The following SLC13A3 variants were observed in gnomAD, a reference collection of about 807,000 sequenced individuals.
SLC13A3 encodes solute carrier family 13 member 3.
SLC13A3 carries 40 observed loss-of-function variants against 59.0 expected under a neutral mutation model. The ratio of observed to expected loss-of-function variants is 0.68; its 90% CI spans 0.53 to 0.88. The LOEUF (loss-of-function observed/expected upper bound fraction) is 0.88, where lower values mean the gene tolerates loss of function less well. Among genes scored for constraint, SLC13A3 ranks in the 40% least tolerant of loss-of-function variants. SLC13A3 has a pLI of 0.00. For synonymous variants in SLC13A3, 317 were observed against 330.3 expected, an observed-to-expected ratio of 0.96 and a Z score of 0.44; for missense variants, 699 against 783.2, an observed-to-expected ratio of 0.89 and a Z score of 1.28.
chr20:46,558,439 C>A lies in SLC13A3; in HGVS notation c.*1583G>T, dbSNP rs140972516. The A allele has an allele frequency of 6.6e-6, 1 of 152,332 alleles. No homozygotes were observed. Among genetic ancestry groups the A allele is most frequent in the African/African-American group, 2.4e-5 (1 of 41,584 alleles). 9.4% of individuals were successfully genotyped at this position (152,332 alleles called of 1,614,324 possible). A position where few individuals can be genotyped will look rare whatever the true frequency, so the allele number is the denominator to read the frequency against. On this transcript the variant is annotated 3_prime_UTR_variant, in exon 13 of 13. Transcript: ENST00000279027. ...TCCAGGTCCAAAGTTGATTAACATT[C>A]TTTATTTCACAGTATTTTTGATCAG... is the stretch of plus-strand genomic sequence containing the variant.
chr20:46,559,034 T>C lies in SLC13A3; in HGVS notation c.*988A>G, dbSNP rs1268420457. ...GCCTGAGACATTTTACCCTGGCCTT[T>C]TACAAGGCCCCAATTTATCTTTTGA... On this transcript the variant is annotated 3_prime_UTR_variant, in exon 13 of 13. Transcript: ENST00000279027. 1 of 152,084 alleles carries C rather than the reference T, an allele frequency of 6.6e-6. No individual in the cohort carries two copies. The allele number at this position is 152,084 out of a possible 1,614,324, so 9.4% of individuals were successfully genotyped here.
At chr20:46,631,456 C>A (rs200723534) in intron 1 of SLC13A3, among the ~76,000 whole-genome samples, 2 of 152,262 alleles carry the variant, frequency 1.3e-5, no homozygotes, top group East Asian at 3.9e-4. Context: ...TCTCTTAGTT[C>A]ATTGAAAGAC....
chr20:46,675,051 G>A (rs1185857731), upstream of SLC13A3, among the ~76,000 whole-genome samples: 1 of 152,116 alleles, frequency 6.6e-6, no homozygotes, highest in Non-Finnish European at 1.5e-5. Context: ...TTCAGGGAAA[G>A]GGAACAGCTG....
At chr20:46,647,614 C>T (rs2062907822) in intron 1 of SLC13A3, among the ~76,000 whole-genome samples, 1 of 152,168 alleles carries the variant, frequency 6.6e-6, no homozygotes, top group South Asian at 2.1e-4. Context: ...GAGCTCATCC[C>T]ACTCCTTTTC....
intron 1 of SLC13A3, among the ~76,000 whole-genome samples, chr20:46,619,527 C>T (rs1306482441): frequency 6.6e-6 from 1 of 152,232 alleles, no homozygotes; most frequent in Non-Finnish European, 1.5e-5. Context: ...GATTATGTCA[C>T]TCCCCTGCTC....
At chr20:46,657,280 C>T (rs1332512949) in intron 1 of SLC13A3, among the ~76,000 whole-genome samples, 2 of 151,092 alleles carry the variant, frequency 1.3e-5, no homozygotes, top group East Asian at 2.0e-4. Flanking sequence ...GGCTGAGGCA[C>T]GAAAATCATT....
intron 3 of SLC13A3, among the ~76,000 whole-genome samples, chr20:46,605,860 G>T (rs1346897505): frequency 6.6e-6 from 1 of 152,134 alleles, no homozygotes; most frequent in African/African-American, 2.4e-5. Context: ...TGTCAAATTA[G>T]GTAAACGGCA....
At chr20:46,577,637 A>AGCTGAT (rs2062092423) in intron 9 of SLC13A3, among the ~76,000 whole-genome samples, 1 of 152,192 alleles carries the variant, frequency 6.6e-6, no homozygotes, top group East Asian at 1.9e-4. Flanking sequence ...AGTTAATGTT[A>AGCTGAT]GCTACCATGG....
At chr20:46,584,426 C>A in intron 8 of SLC13A3, 3 of 985,224 alleles carry the variant, frequency 3.0e-6, no homozygotes, top group Non-Finnish European at 3.6e-6. Context: ...ATTCTGTAGA[C>A]CCTGGCCTGA....
In SLC13A3 at chr20:46,583,465, G is replaced by A. The variant is rs143641321; in HGVS notation, c.1219+107C>T. 2.6e-6 allele frequency: 4 copies of A among 1,511,556 alleles called. No individual in the cohort carries two copies. The East Asian group carries it at 9.2e-5, about 35-fold the overall frequency. The allele number at this position is 1,511,556 out of a possible 1,614,324, so 93.6% of individuals were successfully genotyped here. On this transcript the variant is annotated intron_variant, in intron 9 of 12. Transcript: ENST00000279027. The stretch of plus-strand genomic sequence containing the variant: ...GCTCAGACAGTGAAAGGAGAAGCAG[G>A]AAGGACCACGTGGTTAGTGCAGTGG...
chr20:46,605,215 A>G lies in SLC13A3; in HGVS notation c.542-5178T>C, dbSNP rs868654767. ...GTTTTGCTTTTTCCTTATGGAGATT[A>G]GTAATGTAAGAAAAGTTAATATCAG... is the stretch of plus-strand genomic sequence containing the variant. On this transcript the variant is annotated intron_variant, in intron 3 of 12. Transcript: ENST00000279027. Among the ~76,000 whole-genome samples, 5 of 152,200 alleles carry G rather than the reference A, an allele frequency of 3.3e-5. No individual in the cohort carries two copies. The South Asian group carries it at 8.3e-4, about 25-fold the overall frequency.
intron 1 of SLC13A3, among the ~76,000 whole-genome samples, chr20:46,635,212 G>T (rs1600593522): frequency 6.6e-6 from 1 of 152,014 alleles, no homozygotes; most frequent in African/African-American, 2.4e-5. Context: ...AACCACTTTG[G>T]GTCTATCATT....
In SLC13A3 at chr20:46,666,910, A is replaced by C. The variant is rs76160626; in HGVS notation, c.-31+3133T>G. 1.0e-3 allele frequency among the ~76,000 whole-genome samples: 157 copies of C among 152,248 alleles called. 1 individual carries two copies. Among genetic ancestry groups the C allele is most frequent in the African/African-American group, 3.5e-3 (146 of 41,540 alleles). The stretch of plus-strand genomic sequence containing the variant: ...TAAAGCAACTCAAAGAAAAATGCCA[A>C]GTAACTTGGAGTGCAGGGAGTACGT... On this transcript the variant is annotated intron_variant, in intron 1 of 12. Coordinates refer to the SLC13A3 transcript ENST00000290317.
intron 1 of SLC13A3, among the ~76,000 whole-genome samples, chr20:46,626,177 TCTCC>T (rs2062669357): frequency 6.7e-6 from 1 of 148,196 alleles, no homozygotes; most frequent in East Asian, 2.0e-4. Flanking sequence ...TTTTCTCTCC[TCTCC>T]CTCCCTCCTT....
intron 1 of SLC13A3, among the ~76,000 whole-genome samples, chr20:46,683,749 G>A (rs932968924): frequency 6.6e-6 from 1 of 152,042 alleles, no homozygotes; most frequent in Admixed American, 6.6e-5. Context: ...AACGAGCCTC[G>A]GGTGTTACCC....
chr20:46,563,577 C>A, intron 11 of SLC13A3, 26 bp from the exon 12 acceptor site: 1 of 1,607,320 alleles, frequency 6.2e-7, no homozygotes, highest in African/African-American at 1.3e-5. Context: ...GTGGGAGAGA[C>A]CCGGAGAGAG....
intron 1 of SLC13A3, among the ~76,000 whole-genome samples, chr20:46,622,768 A>G (rs1474001493): frequency 6.6e-6 from 1 of 152,134 alleles, no homozygotes; most frequent in African/African-American, 2.4e-5. Context: ...GATGACAAGA[A>G]TTTTAAAAAG....
chr20:46,670,306 C>T (rs574500821), upstream of SLC13A3, among the ~76,000 whole-genome samples: 50 of 152,096 alleles, frequency 3.3e-4, no homozygotes, highest in South Asian at 6.8e-3. Context: ...CTCCCTTTTT[C>T]CTTCCTGACT....
At chr20:46,676,708 T>TC (rs1407965325) in intron 1 of SLC13A3, among the ~76,000 whole-genome samples, 1 of 151,390 alleles carries the variant, frequency 6.6e-6, no homozygotes, top group Non-Finnish European at 1.5e-5. Flanking sequence ...CGCCTCAGCC[T>TC]CCCCAGTCGC....
Sources: allele counts gnomAD v4.1 joint callset (sites outside exome capture counted in the v4.1 genomes callset), GRCh38; gene constraint gnomAD v4.1.1; transcripts MANE v1.5; gene names NCBI Gene and HGNC (gene_info 2026-07-23, HGNC 2026-07-21).